CFAP299: variants seen among roughly 807,000 people sequenced by gnomAD.
The protein encoded by CFAP299 is cilia- and flagella-associated protein 299.
Under a neutral mutation model 27.0 loss-of-function variants are expected in CFAP299, and 21 were observed. That is an observed-to-expected ratio of 0.78 (90% CI 0.55 to 1.12). The LOEUF (loss-of-function observed/expected upper bound fraction) is 1.12, where lower values mean the gene tolerates loss of function less well. CFAP299 is among the 50% of genes most tolerant of loss of function. The pLI is 0.00. For missense variants in CFAP299, 310 were observed against 276.6 expected (o/e 1.12, Z -0.86); for synonymous variants, 104 against 98.1 (o/e 1.06, Z -0.36).
At chr4:80,581,432 A>T (rs1736157130) in intron 2 of CFAP299, among the ~76,000 whole-genome samples, 1 of 130,632 alleles carries the variant, frequency 7.7e-6, no homozygotes, top group Non-Finnish European at 1.6e-5. Context: ...ATTAAGTGAT[A>T]TATATATAGA....
rs1262580804 is a variant in CFAP299, at chr4:80,386,435, G to T, written c.242+23551G>T. 6 of 1,543,994 alleles carry T rather than the reference G, an allele frequency of 3.9e-6. No individual in the cohort carries two copies. In the African/African-American group the frequency reaches 6.8e-5, roughly 17 times the overall value. ...CCTTCATCTCCTCCAGCCCCAGCGGGTCAGGCAAGGGGGTCACCACCTTGC... is the reference window on the plus strand; with the variant it reads ...CCTTCATCTCCTCCAGCCCCAGCGGTTCAGGCAAGGGGGTCACCACCTTGC... On this transcript the variant is annotated intron_variant, in intron 2 of 5. Transcript: ENST00000358105.
intron 3 of CFAP299, among the ~76,000 whole-genome samples, chr4:80,692,546 A>G (rs1463755325): frequency 2.6e-5 from 4 of 152,220 alleles, no homozygotes; most frequent in Admixed American, 2.6e-4. Context: ...AAATCAATTC[A>G]AGATGGATTA....
At chr4:80,790,478 G>C (rs1046364902) in intron 3 of CFAP299, 2 of 151,996 alleles carry the variant, frequency 1.3e-5, no homozygotes, top group Admixed American at 1.3e-4. Context: ...AGTATTAGGA[G>C]GTGAGGGCCT....
chr4:80,757,568 C>T (rs929783563), intron 3 of CFAP299, among the ~76,000 whole-genome samples: 5 of 151,918 alleles, frequency 3.3e-5, no homozygotes, highest in Non-Finnish European at 4.4e-5. Flanking sequence ...CTGAAGCCTT[C>T]TATAGTTTCT....
At chr4:80,868,118 C>T (rs951712896) in intron 3 of CFAP299, among the ~76,000 whole-genome samples, 9 of 152,160 alleles carry the variant, frequency 5.9e-5, no homozygotes, top group African/African-American at 1.9e-4. Context: ...TCCCTCCAAA[C>T]ATACAAGTTT....
At chr4:80,790,705 T>C (rs906524026) in intron 3 of CFAP299, among the ~76,000 whole-genome samples, 5 of 152,122 alleles carry the variant, frequency 3.3e-5, no homozygotes, top group Admixed American at 3.3e-4. Context: ...AAAATAAATG[T>C]GTTGTTTATA....
intron 3 of CFAP299, among the ~76,000 whole-genome samples, chr4:80,738,856 C>T (rs1393155830): frequency 6.6e-6 from 1 of 151,702 alleles, no homozygotes; most frequent in Admixed American, 6.6e-5. Context: ...AGGTGATTTT[C>T]CCAGGTGTTA....
intron 2 of CFAP299, among the ~76,000 whole-genome samples, chr4:80,526,599 A>C (rs1174404559): frequency 1.3e-5 from 2 of 152,132 alleles, no homozygotes; most frequent in African/African-American, 2.4e-5. Context: ...CTACATTTTC[A>C]AATTTATAAC....
intron 3 of CFAP299, among the ~76,000 whole-genome samples, chr4:80,597,113 T>C (rs1737096427): frequency 2.0e-5 from 3 of 152,208 alleles, no homozygotes; most frequent in Non-Finnish European, 1.5e-5. Flanking sequence ...TCATAGGACC[T>C]ATGTATGTTC....
chr4:80,900,101 A>G (rs1000971910), intron 4 of CFAP299, among the ~76,000 whole-genome samples: 1 of 148,046 alleles, frequency 6.8e-6, no homozygotes, highest in African/African-American at 2.5e-5. Flanking sequence ...ACAAGAAAAT[A>G]AATGACATAA....
chr4:80,589,165 T>C (rs1736595172), intron 3 of CFAP299, among the ~76,000 whole-genome samples: 1 of 152,212 alleles, frequency 6.6e-6, no homozygotes, highest in African/African-American at 2.4e-5. Context: ...CTAAGCACTT[T>C]ATATGTTAAC....
At chr4:80,430,555 A>T (rs1727761312) in intron 2 of CFAP299, among the ~76,000 whole-genome samples, 1 of 152,150 alleles carries the variant, frequency 6.6e-6, no homozygotes. Context: ...ATGTTTGATT[A>T]TGTGTTCATT....
intron 2 of CFAP299, among the ~76,000 whole-genome samples, chr4:80,371,349 C>T (rs1338312733): frequency 6.6e-6 from 1 of 152,130 alleles, no homozygotes; most frequent in Non-Finnish European, 1.5e-5. Context: ...AGGCCTTTTC[C>T]CCATTATCTT....
chr4:80,585,905 C>T (rs1222658404), intron 3 of CFAP299, among the ~76,000 whole-genome samples: 1 of 152,036 alleles, frequency 6.6e-6, no homozygotes, highest in Non-Finnish European at 1.5e-5. Context: ...ATCTGGAAAC[C>T]ATGTGCTTGT....
At chr4:80,651,381 G>T (rs10034136) in intron 3 of CFAP299, among the ~76,000 whole-genome samples, 518 of 128,676 alleles carry the variant, frequency 4.0e-3, no homozygotes, top group African/African-American at 8.1e-3. Flanking sequence ...TTTTTTTTTT[G>T]TTGAGACAGA....
intron 2 of CFAP299, among the ~76,000 whole-genome samples, chr4:80,444,658 C>T (rs375252974): frequency 6.6e-6 from 1 of 152,202 alleles, no homozygotes; most frequent in African/African-American, 2.4e-5. Context: ...GTAATTGCAA[C>T]AAAAGCCAAA....
chr4:80,797,940 C>G (rs1727966501), intron 3 of CFAP299, among the ~76,000 whole-genome samples: 1 of 152,046 alleles, frequency 6.6e-6, no homozygotes, highest in African/African-American at 2.4e-5. Context: ...CTATTAGAAC[C>G]TTTTTTAACT....
At chr4:80,382,625 C>T (rs190063672) in intron 2 of CFAP299, among the ~76,000 whole-genome samples, 1 of 152,184 alleles carries the variant, frequency 6.6e-6, no homozygotes, top group African/African-American at 2.4e-5. Context: ...CAAATCAAAA[C>T]CACAAATGAG....
chr4:80,802,497 A>G (rs1728664442), intron 3 of CFAP299, among the ~76,000 whole-genome samples: 1 of 152,024 alleles, frequency 6.6e-6, no homozygotes. Context: ...ATAAGTTGTC[A>G]TCTACGAGCA....
Sources: allele counts gnomAD v4.1 joint callset (sites outside exome capture counted in the v4.1 genomes callset), GRCh38; gene constraint gnomAD v4.1.1; transcripts MANE v1.5; gene names NCBI Gene and HGNC (gene_info 2026-07-23, HGNC 2026-07-21).